The following ADGRA3 variants were observed in gnomAD, a reference collection of about 807,000 sequenced individuals.
ADGRA3 encodes the protein adhesion G protein-coupled receptor A3.
ADGRA3 carries 56 observed loss-of-function variants against 119.8 expected under a neutral mutation model. That is an observed-to-expected ratio of 0.47 (90% CI 0.38 to 0.58). The LOEUF (loss-of-function observed/expected upper bound fraction) is 0.58, where lower values mean the gene tolerates loss of function less well. ADGRA3 is among the 20% of genes least tolerant of loss of function. The probability of loss-of-function intolerance (pLI) is 0.00; values close to 1 mark genes in which losing one functional copy is unlikely to be tolerated. For missense variants in ADGRA3, 1,516 were observed against 1,649.0 expected (o/e 0.92, Z 1.40); for synonymous variants, 607 against 623.8 (o/e 0.97, Z 0.40).
At chr4:22,481,251 TAA>T (rs913986244) in intron 1 of ADGRA3, among the ~76,000 whole-genome samples, 4 of 152,184 alleles carry the variant, frequency 2.6e-5, no homozygotes, top group African/African-American at 9.7e-5. Context: ...GTACACATCC[TAA>T]AGTTTTAGAG....
intron 1 of ADGRA3, among the ~76,000 whole-genome samples, chr4:22,475,935 A>C (rs1312949472): frequency 6.6e-6 from 1 of 151,992 alleles, no homozygotes; most frequent in Non-Finnish European, 1.5e-5. Flanking sequence ...GAAAGAAACA[A>C]ATTTTTTAAA....
Position 22,503,375 on chromosome 4 carries a change from C to A in ADGRA3, c.257+12153G>T, listed in dbSNP as rs78850718. Among the ~76,000 whole-genome samples, 925 of 152,200 alleles carry A rather than the reference C, an allele frequency of 6.1e-3. 17 individuals are homozygous for A. Among genetic ancestry groups the A allele is most frequent in the African/African-American group, 0.021 (880 of 41,488 alleles). ...AAGAAAAGAATCAGGAAGAATTGCA[C>A]AATAAAACAAAGAATGCTTTTAAGT... On this transcript the variant is annotated intron_variant, in intron 1 of 18. Transcript: ENST00000334304.
At chr4:22,439,702 T>C (rs1239682997) in intron 7 of ADGRA3, among the ~76,000 whole-genome samples, 1 of 152,162 alleles carries the variant, frequency 6.6e-6, no homozygotes, top group Non-Finnish European at 1.5e-5. Context: ...AAAAAAGAGT[T>C]TGACATTAAA....
At chr4:22,481,604 T>C (rs990398459) in intron 1 of ADGRA3, among the ~76,000 whole-genome samples, 1 of 152,216 alleles carries the variant, frequency 6.6e-6, no homozygotes, top group Non-Finnish European at 1.5e-5. Context: ...TTTTTATTTG[T>C]ATGTTTTTGT....
chr4:22,444,272 T>A lies in ADGRA3; in HGVS notation c.706+701A>T, dbSNP rs568590134. On this transcript the variant is annotated intron_variant, in intron 6 of 18. Transcript: ENST00000334304. The stretch of plus-strand genomic sequence containing the variant: ...AATTAACTATAAGATACAGAATTAC[T>A]AGATCTAACTGTATCAGTTATTTTT... 6.6e-5 allele frequency among the ~76,000 whole-genome samples: 10 copies of A among 152,298 alleles called. No individual in the cohort carries two copies. In the South Asian group the frequency reaches 2.1e-3, roughly 32 times the overall value.
intron 2 of ADGRA3, among the ~76,000 whole-genome samples, chr4:22,464,131 C>A (rs1001174474): frequency 2.6e-5 from 4 of 152,112 alleles, no homozygotes; most frequent in African/African-American, 9.7e-5. Flanking sequence ...CAATACTTCA[C>A]AATATTTTAA....
intron 17 of ADGRA3, 49 bp downstream of exon 17, chr4:22,392,496 C>T (rs762809401): frequency 3.9e-5 from 63 of 1,597,160 alleles, no homozygotes; most frequent in Non-Finnish European, 5.1e-5. Context: ...TATGATTATG[C>T]TTCAATGAAA....
intron 4 of ADGRA3, among the ~76,000 whole-genome samples, chr4:22,453,375 A>G (rs896811792): frequency 6.6e-6 from 1 of 152,172 alleles, no homozygotes; most frequent in Non-Finnish European, 1.5e-5. Flanking sequence ...TTTTATTTAA[A>G]AACAAAAATC....
intron 12 of ADGRA3, 69 bp downstream of exon 12, chr4:22,420,817 G>A (rs764374448): frequency 1.6e-5 from 23 of 1,447,774 alleles, no homozygotes; most frequent in Middle Eastern, 1.8e-4. Flanking sequence ...GTTATTTTGC[G>A]AAGCAGAACA....
At chr4:22,458,858 A>G (rs1452374654) in intron 3 of ADGRA3, among the ~76,000 whole-genome samples, 1 of 152,206 alleles carries the variant, frequency 6.6e-6, no homozygotes, top group African/African-American at 2.4e-5. Flanking sequence ...GCAGAAGAGA[A>G]GAAAACTGAT....
intron 8 of ADGRA3, among the ~76,000 whole-genome samples, chr4:22,437,784 C>T (rs1716453667): frequency 6.6e-6 from 1 of 152,122 alleles, no homozygotes; most frequent in Non-Finnish European, 1.5e-5. Context: ...TCCAGAAGAA[C>T]TGAACAAGGG....
rs139173650 is a variant in ADGRA3 at position 22,395,810 on chromosome 4, C to G, written c.2482-3120G>C. Among the ~76,000 whole-genome samples, 174 of 152,128 alleles carry G rather than the reference C, an allele frequency of 1.1e-3. 2 individuals carry two copies. The highest frequency in any genetic ancestry group is 3.7e-3 in the African/African-American group (154 of 41,514). On this transcript the variant is annotated intron_variant, in intron 16 of 18. Coordinates refer to ENST00000334304, the MANE Select transcript of ADGRA3 (RefSeq NM_145290.4). ...TAAAATACACAAAGAAAAACTACCTCCTAGGGTTAATATGAAGGTTAAGAC... is the reference window on the plus strand; with the variant it reads ...TAAAATACACAAAGAAAAACTACCTGCTAGGGTTAATATGAAGGTTAAGAC...
At chr4:22,504,903 G>C (rs1490067520) in intron 1 of ADGRA3, among the ~76,000 whole-genome samples, 1 of 152,090 alleles carries the variant, frequency 6.6e-6, no homozygotes, top group African/African-American at 2.4e-5. Context: ...ATCAGAACAT[G>C]AAGTCTGTGG....
chr4:22,388,757 G>A lies in ADGRA3; in HGVS notation c.2914C>T (p.His972Tyr), dbSNP rs758000828. 6.8e-6 allele frequency: 11 copies of A among 1,613,980 alleles called. No homozygotes were observed. The change falls in exon 19 of 19, where the codon CAT (histidine) becomes TAT (tyrosine). Residue 972 changes from histidine (H) to tyrosine (Y), a missense_variant. His to Tyr is a moderately conservative substitution (Grantham distance 83). Around this residue, in one of 2 missense-constraint regions of ADGRA3, gnomAD observed 1,088 missense variants for 1,107.1 expected, o/e 0.98. Transcript: ENST00000334304. ...LAANENGEIN[H>Y]QDSMSLSLIS... ...AGAGACAAAGACATTGAATCCTGAT[G>A]ATTTATTTCGCCATTTTCATTGGCT... is the stretch of plus-strand genomic sequence containing the variant.
intron 3 of ADGRA3, chr4:22,455,817 T>A: frequency 7.8e-7 from 1 of 1,288,648 alleles, no homozygotes; most frequent in African/African-American, 1.5e-5. Context: ...ACACCTGGCA[T>A]GGCATGACTC....
chr4:22,392,271 G>A (rs1049988117), intron 17 of ADGRA3, among the ~76,000 whole-genome samples: 3 of 152,168 alleles, frequency 2.0e-5, no homozygotes, highest in African/African-American at 7.2e-5. Context: ...CCCCTCTTAA[G>A]TGCTTTGCCC....
chr4:22,438,503 G>A, intron 7 of ADGRA3, 83 bp from the exon 8 acceptor site: 4 of 1,111,450 alleles, frequency 3.6e-6, no homozygotes, highest in East Asian at 2.6e-5. Context: ...CATTAATTTA[G>A]CAAATATTTT....
intron 1 of ADGRA3, among the ~76,000 whole-genome samples, chr4:22,499,452 C>T (rs1718975053): frequency 1.3e-5 from 2 of 152,178 alleles, no homozygotes; most frequent in Non-Finnish European, 2.9e-5. Flanking sequence ...CAGTCTCATG[C>T]TATTTCCCTT....
Position 22,402,741 on chromosome 4 carries a change from T to C in ADGRA3, c.2291A>G (p.Tyr764Cys). The change falls in exon 15 of 19, where the codon TAT becomes TGT. Residue 764 changes from tyrosine to cysteine, a missense_variant. Physicochemically the swap from Tyr to Cys is radical, Grantham distance 194 (BLOSUM62 -2). This residue lies in a region of ADGRA3 where 1,088 missense variants were observed against 1,107.1 expected (regional missense o/e 0.98). Transcript: ENST00000334304. The stretch of plus-strand genomic sequence containing the variant: ...TAAGAGGAGAATGATAGCGGTAGTA[T>C]AAACCACAGGATGCAGGAGGCTGGC... ...QAASLLHPVV[Y>C]TTAIILLLCL... 6.2e-7 allele frequency: 1 copy of C among 1,613,894 alleles called. No homozygotes were observed. The highest frequency in any genetic ancestry group is 1.3e-5 in the African/African-American group (1 of 75,032).
Sources: gnomAD v4.1 joint callset for allele counts (sites outside exome capture counted in the v4.1 genomes callset) on GRCh38, gnomAD v4.1.1 for gene constraint, gnomAD v4.1.1 regional missense constraint, MANE v1.5 for transcripts, NCBI Gene and HGNC (gene_info 2026-07-23, HGNC 2026-07-21) for gene names.